The following PPP2R3A variants were observed in gnomAD, a reference collection of about 807,000 sequenced individuals.
PPP2R3A encodes protein phosphatase 2 regulatory subunit B''alpha, also known as serine/threonine-protein phosphatase 2A regulatory subunit B'' subunit alpha.
PPP2R3A carries 80 observed loss-of-function variants against 106.9 expected under a neutral mutation model. The ratio of observed to expected loss-of-function variants is 0.75; its 90% CI spans 0.62 to 0.90. The LOEUF (loss-of-function observed/expected upper bound fraction) is 0.90. Among genes scored for constraint, PPP2R3A ranks in the 40% least tolerant of loss-of-function variants. PPP2R3A has a pLI of 0.00. For synonymous variants in PPP2R3A, 483 were observed against 468.3 expected, an observed-to-expected ratio of 1.03 and a Z score of -0.41; for missense variants, 1,386 against 1,350.4, an observed-to-expected ratio of 1.03 and a Z score of -0.41.
chr3:136,145,144 T>TTCAA lies in PPP2R3A; in HGVS notation c.3435_3438dup (p.Val1147IlefsTer4). On this transcript the variant is annotated frameshift_variant, in exon 14 of 14. Coordinates refer to ENST00000264977, the MANE Select transcript of PPP2R3A (RefSeq NM_002718.5). LOFTEE classifies it high-confidence loss of function. ...AGCCTTCCAGAGAAATGTGGAAAGC[T>TTCAA]TCAATCAGTGGATGAAGAATAGCTG... 6.2e-7 allele frequency: 1 copy of TTCAA among 1,612,060 alleles called. No individual in the cohort carries two copies. The highest frequency in any genetic ancestry group is 8.5e-7 in the Non-Finnish European group (1 of 1,179,394).
chr3:136,121,251 A>G (rs1456385775), intron 13 of PPP2R3A, among the ~76,000 whole-genome samples: 2 of 152,224 alleles, frequency 1.3e-5, no homozygotes, highest in African/African-American at 2.4e-5. Context: ...GCAGTCATTA[A>G]AAGAAAAGGA....
Position 136,064,539 on chromosome 3 carries a change from A to G in PPP2R3A, c.2470-5939A>G, listed in dbSNP as rs950832924. On this transcript the variant is annotated intron_variant, in intron 5 of 13. Transcript: ENST00000264977. ...ATGGTTGTGTTCACCTTTCCAGCTT[A>G]AGGAAACTCGTCAAAGCTAATGAAA... Among the ~76,000 whole-genome samples, 5 of 152,210 alleles carry G rather than the reference A, an allele frequency of 3.3e-5. No individual in the cohort carries two copies. The South Asian group carries it at 1.0e-3, about 31-fold the overall frequency.
In PPP2R3A at chr3:136,103,395, C is replaced by T; in HGVS notation, c.3222+19C>T. The T allele has an allele frequency of 6.5e-7, 1 of 1,535,648 alleles. No homozygotes were observed. Among genetic ancestry groups the T allele is most frequent in the Admixed American group, 1.7e-5 (1 of 57,576 alleles). ...CCAGAAGGTAACAGTATAATTTTAA[C>T]TTTTATTTGAGGGCTGCAGTGTCAG... On this transcript the variant is annotated intron_variant, in intron 12 of 13. Transcript: ENST00000264977.
At chr3:136,083,033 G>C (rs1028280829) in intron 8 of PPP2R3A, among the ~76,000 whole-genome samples, 2 of 151,782 alleles carry the variant, frequency 1.3e-5, no homozygotes, top group Non-Finnish European at 2.9e-5. Flanking sequence ...TGGTTTTTTT[G>C]AGACAGCGTC....
intron 5 of PPP2R3A, among the ~76,000 whole-genome samples, chr3:136,063,493 G>A (rs1226787891): frequency 2.0e-5 from 3 of 152,166 alleles, no homozygotes; most frequent in East Asian, 1.9e-4. Flanking sequence ...GCAACCTATA[G>A]AATGGGAGAA....
intron 5 of PPP2R3A, among the ~76,000 whole-genome samples, chr3:136,063,002 G>A (rs946544360): frequency 2.0e-5 from 3 of 152,054 alleles, no homozygotes; most frequent in Non-Finnish European, 4.4e-5. Context: ...GAGGCATCAC[G>A]CTACCTGACT....
chr3:136,002,523 C>T lies in PPP2R3A; in HGVS notation c.1025C>T (p.Ala342Val), dbSNP rs370179899. The change falls in exon 2 of 14, where the codon GCT becomes GTT. Residue 342 changes from alanine (A) to valine (V), a missense_variant. By Grantham distance (64) the Ala-to-Val change is moderately conservative. Coordinates refer to ENST00000264977, the MANE Select transcript of PPP2R3A (RefSeq NM_002718.5). The part of the protein sequence containing the change: ...PKYEDVVQLS[A>V]SDSGRFQTIE... Reference sequence around the variant, plus strand: ...TATGAAGATGTTGTCCAGCTCTCAGCTTCTGACTCTGGACGATTTCAAACT... The same window carrying T: ...TATGAAGATGTTGTCCAGCTCTCAGTTTCTGACTCTGGACGATTTCAAACT... 20 of 1,613,918 alleles carry T rather than the reference C, an allele frequency of 1.2e-5. No individual in the cohort carries two copies. Among genetic ancestry groups the T allele is most frequent in the Non-Finnish European group, 1.6e-5 (19 of 1,179,928 alleles).
Position 136,002,958 on chromosome 3 carries a change from CA to C in PPP2R3A, c.1464del (p.Val489PhefsTer21). On this transcript the variant is annotated frameshift_variant, in exon 2 of 14. Coordinates refer to ENST00000264977, the MANE Select transcript of PPP2R3A (RefSeq NM_002718.5). LOFTEE classifies it high-confidence loss of function. ...AATCTACCTAAGGAAGACTGTAAAT[CA>C]AAAGTTTCTAAATTTGAAGAGGGAG... The part of the protein sequence containing the change: ...FVNLPKEDCK[S>X]KVSKFEEGDQ... 2 of 1,612,304 alleles carry C rather than the reference CA, an allele frequency of 1.2e-6. No individual in the cohort carries two copies. The highest frequency in any genetic ancestry group is 1.7e-6 in the Non-Finnish European group (2 of 1,179,576).
In PPP2R3A at chr3:135,978,450, C is replaced by A. The variant is rs184142681; in HGVS notation, c.-441+12601C>A. On this transcript the variant is annotated intron_variant, in intron 1 of 13. Transcript: ENST00000264977. ...TTCTTGAAAAATAATTCATTTTCAC[C>A]TTTGTATATGATTGGTGTTGTGGAC... Among the ~76,000 whole-genome samples, 301 of 150,242 alleles carry A rather than the reference C, an allele frequency of 2.0e-3. 1 individual carries two copies. Among genetic ancestry groups the A allele is most frequent in the Admixed American group, 4.4e-3 (67 of 15,140 alleles).
At chr3:136,007,104 C>A (rs530386240) in intron 2 of PPP2R3A, among the ~76,000 whole-genome samples, 2 of 152,202 alleles carry the variant, frequency 1.3e-5, no homozygotes, top group East Asian at 3.9e-4. Context: ...CATTCAGCCT[C>A]CAAAAATGTT....
At chr3:136,053,701 C>T (rs923308082) in intron 5 of PPP2R3A, among the ~76,000 whole-genome samples, 18 of 152,206 alleles carry the variant, frequency 1.2e-4, no homozygotes, top group Non-Finnish European at 5.9e-5. Flanking sequence ...CCTTATTTCT[C>T]TTTATTCTGG....
Position 136,106,196 on chromosome 3 carries a change from G to T in PPP2R3A, c.3223-20G>T, listed in dbSNP as rs750290412. The T allele has an allele frequency of 3.8e-6, 6 of 1,590,258 alleles. No homozygotes were observed. The highest frequency in any genetic ancestry group is 5.1e-6 in the Non-Finnish European group (6 of 1,165,672). ...TCTTTGATTTTTTTTATTTCTCGTGGCTGTCTTCTTTCCAATCAGGATGTT... is the reference window on the plus strand; with the variant it reads ...TCTTTGATTTTTTTTATTTCTCGTGTCTGTCTTCTTTCCAATCAGGATGTT... On this transcript the variant is annotated intron_variant, in intron 12 of 13. Transcript: ENST00000264977.
chr3:136,041,865 T>C (rs11917052), intron 4 of PPP2R3A, among the ~76,000 whole-genome samples: 1,908 of 152,308 alleles, frequency 0.013, 41 homozygotes, highest in African/African-American at 0.044. Context: ...TATCTCTTTT[T>C]TCTCCCTTCT....
chr3:136,066,080 A>G (rs1336277357), intron 5 of PPP2R3A, among the ~76,000 whole-genome samples: 4 of 152,204 alleles, frequency 2.6e-5, no homozygotes, highest in African/African-American at 9.6e-5. Context: ...ATAGGACCCA[A>G]ATTGACTCCA....
chr3:136,078,980 C>T lies in PPP2R3A; in HGVS notation c.2631+527C>T, dbSNP rs184159385. Among the ~76,000 whole-genome samples, 10 of 152,232 alleles carry T rather than the reference C, an allele frequency of 6.6e-5. No individual in the cohort carries two copies. The East Asian group carries it at 7.7e-4, about 12-fold the overall frequency. ...TTGACCACTAGTGGGAGCCTTTTACCGAAGTAATCTTCATGCCTGATTGTT... is the reference window on the plus strand; with the variant it reads ...TTGACCACTAGTGGGAGCCTTTTACTGAAGTAATCTTCATGCCTGATTGTT... On this transcript the variant is annotated intron_variant, in intron 7 of 13. Coordinates refer to ENST00000264977, the MANE Select transcript of PPP2R3A (RefSeq NM_002718.5).
chr3:135,982,742 A>T (rs1479809314), intron 1 of PPP2R3A, among the ~76,000 whole-genome samples: 1 of 151,808 alleles, frequency 6.6e-6, no homozygotes, highest in African/African-American at 2.4e-5. Context: ...TTCCCATCTG[A>T]TCTCAGTATC....
At chr3:136,022,722 T>C in intron 2 of PPP2R3A, 1 of 1,046,228 alleles carries the variant, frequency 9.6e-7, no homozygotes, top group Non-Finnish European at 1.2e-6. Context: ...GTACACAGAG[T>C]AGTGGGTGCT....
intron 5 of PPP2R3A, among the ~76,000 whole-genome samples, chr3:136,054,299 G>T (rs193165091): frequency 5.0e-5 from 6 of 121,002 alleles, no homozygotes; most frequent in African/African-American, 2.0e-4. Context: ...TCGCCCTGTC[G>T]CCAGGCTGGA....
At chr3:136,127,815 T>A (rs1032174573) in intron 13 of PPP2R3A, among the ~76,000 whole-genome samples, 5 of 152,194 alleles carry the variant, frequency 3.3e-5, no homozygotes, top group Non-Finnish European at 7.3e-5. Flanking sequence ...AGCAGATCTC[T>A]TGGCAGAAAC....
Sources: gnomAD v4.1 joint callset for allele counts (sites outside exome capture counted in the v4.1 genomes callset) on GRCh38, gnomAD v4.1.1 for gene constraint, MANE v1.5 for transcripts, NCBI Gene and HGNC (gene_info 2026-07-23, HGNC 2026-07-21) for gene names.